The following SPATA24 variants were observed in gnomAD, a reference collection of about 807,000 sequenced individuals.
SPATA24 encodes the protein spermatogenesis-associated protein 24.
In SPATA24, 21 loss-of-function variants were observed where a neutral mutation model predicts 28.9. That is an observed-to-expected ratio of 0.73 (90% CI 0.52 to 1.05). The LOEUF (loss-of-function observed/expected upper bound fraction) is 1.05. Ranked by LOEUF, SPATA24 falls within the 50% of genes least tolerant of loss-of-function variation. The pLI is 0.00. For missense variants in SPATA24, 215 were observed against 242.9 expected, an observed-to-expected ratio of 0.88 and a Z score of 0.76; for synonymous variants, 76 against 89.9, an observed-to-expected ratio of 0.85 and a Z score of 0.88.
chr5:139,402,407 A>ATT (rs893930002), intron 2 of SPATA24, among the ~76,000 whole-genome samples: 28 of 150,156 alleles, frequency 1.9e-4, no homozygotes, highest in African/African-American at 6.4e-4. Flanking sequence ...GTATATATAT[A>ATT]TTTTTTTGTA....
At chr5:139,394,958 C>T (rs746602315), downstream of SPATA24, 37 of 1,521,880 alleles carry the variant, frequency 2.4e-5, no homozygotes, top group Middle Eastern at 7.7e-4. Context: ...TCCGGGGGCT[C>T]CGGAGAACCT....
At chr5:139,395,496 C>T (rs1758686067), downstream of SPATA24, 1 of 177,244 alleles carries the variant, frequency 5.6e-6, no homozygotes, top group African/African-American at 2.4e-5. Flanking sequence ...GTGAACCAGA[C>T]CTTCAGGCCA....
chr5:139,394,265 AC>A, downstream of SPATA24: 1 of 1,543,862 alleles, frequency 6.5e-7, no homozygotes, highest in Non-Finnish European at 8.7e-7. Context: ...CGCCCCGTGG[AC>A]CCGAAGGTGG....
downstream of SPATA24, chr5:139,394,014 A>C (rs1320887928): frequency 2.6e-6 from 4 of 1,550,550 alleles, no homozygotes; most frequent in Non-Finnish European, 3.5e-6. Context: ...GCGGGAACCG[A>C]GTCTTCCGCG....
At chr5:139,393,679 T>A, downstream of SPATA24, 2 of 1,550,388 alleles carry the variant, frequency 1.3e-6, no homozygotes, top group Non-Finnish European at 1.7e-6. Context: ...CGGGCTCCTT[T>A]CCCCAGCAAC....
chr5:139,393,212 G>A (rs932398788), downstream of SPATA24: 1 of 1,549,396 alleles, frequency 6.5e-7, no homozygotes. Flanking sequence ...ACGTCTCGAG[G>A]CCGCGGAATG....
At position 139,396,790 on chromosome 5, in the gene SPATA24, G is replaced by A. The variant is rs1012685536; in HGVS notation, c.*10C>T. On this transcript the variant is annotated 3_prime_UTR_variant, in exon 6 of 6. Coordinates refer to ENST00000450845, the MANE Select transcript of SPATA24 (RefSeq NM_194296.2). ...GATTACAGCCAGAGAACAGGAAAGC[G>A]GCGGCCATTTTATTTTTCCCTGGGA... The A allele has an allele frequency of 9.7e-6, 15 of 1,551,596 alleles. No individual in the cohort carries two copies. Among genetic ancestry groups the A allele is most frequent in the African/African-American group, 8.2e-5 (6 of 73,056 alleles).
chr5:139,394,753 T>C, downstream of SPATA24: 2 of 1,532,334 alleles, frequency 1.3e-6, no homozygotes, highest in Admixed American at 2.0e-5. Context: ...GACTTCCATC[T>C]CCCCCGACGG....
rs1375470656 is a variant in SPATA24, at chr5:139,404,064, C to G, written c.-4G>C. On this transcript the variant is annotated 5_prime_UTR_variant, in exon 1 of 6. Coordinates refer to ENST00000450845, the MANE Select transcript of SPATA24 (RefSeq NM_194296.2). Reference sequence around the variant, plus strand: ...ACCACCCGAGGGGCGTCGCCATCTTCCGCCCCCGCCAGCTAGTTGGAAATG... The same window carrying G: ...ACCACCCGAGGGGCGTCGCCATCTTGCGCCCCCGCCAGCTAGTTGGAAATG... 6.4e-7 allele frequency: 1 copy of G among 1,550,650 alleles called. No homozygotes were observed.
Position 139,396,893 on chromosome 5 carries a change from C to T in SPATA24, c.525G>A (p.Gln175=). The T allele has an allele frequency of 6.4e-7, 1 of 1,551,682 alleles. No individual in the cohort carries two copies. The highest frequency in any genetic ancestry group is 8.7e-7 in the Non-Finnish European group (1 of 1,146,986). Residue 175 remains glutamine (Q), a synonymous_variant, in exon 6 of 6, where the codon CAG becomes CAA. Transcript: ENST00000450845. Reference sequence around the variant, plus strand: ...CCAGCACCTGGGCCATGTAGCTCTCCTGCTGCTTCTGGATCCGGAAGTCAG... The same window carrying T: ...CCAGCACCTGGGCCATGTAGCTCTCTTGCTGCTTCTGGATCCGGAAGTCAG... ...HMSDFRIQKQ[Q]ESYMAQVLDQ...
downstream of SPATA24, chr5:139,394,541 C>T: frequency 2.7e-6 from 4 of 1,488,204 alleles, no homozygotes; most frequent in Non-Finnish European, 3.6e-6. Flanking sequence ...GCTGGGGCGG[C>T]AGGACTTGGC....
downstream of SPATA24, chr5:139,394,824 C>G (rs1758667071): frequency 6.5e-6 from 10 of 1,529,850 alleles, no homozygotes; most frequent in Non-Finnish European, 8.8e-6. Flanking sequence ...GCGGGAAACC[C>G]GAGCCGGGCC....
chr5:139,393,421 G>A (rs1263841431), downstream of SPATA24: 1 of 1,551,678 alleles, frequency 6.4e-7, no homozygotes, highest in Non-Finnish European at 8.7e-7. Context: ...TGGAGTGCCG[G>A]GTGCGGACGG....
At chr5:139,403,443 T>C (rs1349544992) in intron 1 of SPATA24, among the ~76,000 whole-genome samples, 2 of 152,212 alleles carry the variant, frequency 1.3e-5, no homozygotes, top group African/African-American at 4.8e-5. Context: ...GTGACTGCAA[T>C]GCTTTGCACC....
rs974164578 is a variant in SPATA24, at chr5:139,404,072, G to A, written c.-12C>T. Reference sequence around the variant, plus strand: ...AGGGGCGTCGCCATCTTCCGCCCCCGCCAGCTAGTTGGAAATGGCTGCCTC... The same window carrying A: ...AGGGGCGTCGCCATCTTCCGCCCCCACCAGCTAGTTGGAAATGGCTGCCTC... On this transcript the variant is annotated 5_prime_UTR_variant, in exon 1 of 6. Transcript: ENST00000450845. The A allele has an allele frequency of 7.1e-6, 11 of 1,547,582 alleles. No individual in the cohort carries two copies. The highest frequency in any genetic ancestry group is 3.9e-5 in the Admixed American group (2 of 50,976).
At chr5:139,396,580 G>A (rs118179072), downstream of SPATA24, 1,499 of 1,373,482 alleles carry the variant, frequency 1.1e-3, 22 homozygotes, top group East Asian at 0.031. Flanking sequence ...GGTAACCAGG[G>A]CTGTTTATAT....
At chr5:139,394,416 C>T (rs910573116), downstream of SPATA24, 13 of 1,388,296 alleles carry the variant, frequency 9.4e-6, no homozygotes, top group South Asian at 2.0e-4. Flanking sequence ...GCGCGCCGGC[C>T]GCCCTTGGGG....
chr5:139,394,124 C>T (rs1251708536), downstream of SPATA24: 1 of 1,547,578 alleles, frequency 6.5e-7, no homozygotes, highest in Non-Finnish European at 8.7e-7. Context: ...ATCGCGCGCT[C>T]GCGGAGGCTG....
chr5:139,392,958 G>A, downstream of SPATA24: 1 of 1,508,150 alleles, frequency 6.6e-7, no homozygotes, highest in Non-Finnish European at 8.9e-7. This position sits in a 1 kb window ranked among gnomAD's most constrained non-coding sequence, Gnocchi z 5.8. Context: ...GCTGTGAGGC[G>A]TCCCGGGCGA....
Sources: gnomAD v4.1 joint callset for allele counts (sites outside exome capture counted in the v4.1 genomes callset) on GRCh38, gnomAD v4.1.1 for gene constraint, Gnocchi (gnomAD v3.1) non-coding constraint, MANE v1.5 for transcripts, NCBI Gene and HGNC (gene_info 2026-07-23, HGNC 2026-07-21) for gene names.